Variants in PRICKLE1 observed in about 807,000 individuals in gnomAD.
PRICKLE1 encodes prickle-like protein 1.
Under a neutral mutation model 70.2 loss-of-function variants are expected in PRICKLE1, and 14 were observed. The ratio of observed to expected loss-of-function variants is 0.20; its 90% CI spans 0.13 to 0.31. The LOEUF is 0.31. PRICKLE1 is among the 10% of genes least tolerant of loss of function. The probability of loss-of-function intolerance (pLI) is 1.00; values close to 1 mark genes in which losing one functional copy is unlikely to be tolerated. For missense variants in PRICKLE1, 821 were observed against 1,026.2 expected, an observed-to-expected ratio of 0.80 and a Z score of 2.73; for synonymous variants, 357 against 379.9, an observed-to-expected ratio of 0.94 and a Z score of 0.70.
chr12:42,480,209 C>A (rs1371221655), intron 1 of PRICKLE1, among the ~76,000 whole-genome samples: 1 of 152,160 alleles, frequency 6.6e-6, no homozygotes, highest in African/African-American at 2.4e-5. Context: ...TATTAAGGTG[C>A]CTTTCTCTTT....
chr12:42,469,652 T>C, intron 3 of PRICKLE1, 65 bp from the exon 4 acceptor site: 1 of 1,605,524 alleles, frequency 6.2e-7, no homozygotes, highest in Non-Finnish European at 8.5e-7. Context: ...GTTCTCTACT[T>C]CCAGAGTTAG....
Position 42,564,329 on chromosome 12 carries a change from G to T in PRICKLE1, c.-49+25136C>A, listed in dbSNP as rs548290839. ...AACACTATTGAAATCTTTCTTGGCC[G>T]GGCGTGGTGGCTCACGCCTGTAATA... On this transcript the variant is annotated intron_variant, in intron 1 of 7. Transcript: ENST00000345127. 3.1e-4 allele frequency among the ~76,000 whole-genome samples: 47 copies of T among 151,592 alleles called. 1 individual carries two copies. Among genetic ancestry groups the T allele is most frequent in the African/African-American group, 1.1e-3 (47 of 41,354 alleles).
In PRICKLE1 at chr12:42,578,743, TTTTA is replaced by T. The variant is rs10699517; in HGVS notation, c.-49+10718_-49+10721del. 9.5e-4 allele frequency among the ~76,000 whole-genome samples: 139 copies of T among 146,270 alleles called. 1 individual carries two copies. The highest frequency in any genetic ancestry group is 4.0e-3 in the East Asian group (20 of 4,984). ...CTGGCTACTATTTGTGTTTATTTCA[TTTTA>T]TTTATTTATTTATTTATTTATTTAT... On this transcript the variant is annotated intron_variant, in intron 1 of 7. Transcript: ENST00000345127.
chr12:42,559,568 A>G (rs1225055936), intron 1 of PRICKLE1, among the ~76,000 whole-genome samples: 1 of 142,598 alleles, frequency 7.0e-6, no homozygotes, highest in Non-Finnish European at 1.5e-5. Context: ...ACACAAATGT[A>G]TATATATATG....
At position 42,482,578 on chromosome 12, in the gene PRICKLE1, A is replaced by G. The variant is rs553253566; in HGVS notation, c.-48-10014T>C. On this transcript the variant is annotated intron_variant, in intron 1 of 7. Transcript: ENST00000345127. ...CCCGTCACCTGTTGGCTCCTGAACA[A>G]CACTCCTCTTTGTGAAACTTACAGC... Among the ~76,000 whole-genome samples the G allele has an allele frequency of 3.3e-5, 5 of 152,374 alleles. No individual in the cohort carries two copies. The South Asian group carries it at 1.0e-3, about 32-fold the overall frequency.
rs919778070 is a variant in PRICKLE1 at position 42,474,261 on chromosome 12, G to A, written c.-48-1697C>T. 2.0e-5 allele frequency among the ~76,000 whole-genome samples: 3 copies of A among 152,120 alleles called. No individual in the cohort carries two copies. In the South Asian group the frequency reaches 6.2e-4, roughly 32 times the overall value. ...GACTCCAGCCTGGGCGACAGAGCGA[G>A]ACTCCGTCTCGAAAAAAATAAAATA... On this transcript the variant is annotated intron_variant, in intron 1 of 7. Coordinates refer to ENST00000345127, the MANE Select transcript of PRICKLE1 (RefSeq NM_153026.3).
chr12:42,482,634 A>G (rs1211477300), intron 1 of PRICKLE1, among the ~76,000 whole-genome samples: 1 of 152,210 alleles, frequency 6.6e-6, no homozygotes, highest in East Asian at 1.9e-4. Context: ...CAGAGAAAAC[A>G]CTTCAAGAAA....
chr12:42,527,986 T>C (rs1939844447), intron 1 of PRICKLE1, among the ~76,000 whole-genome samples: 1 of 139,786 alleles, frequency 7.2e-6, no homozygotes, highest in Non-Finnish European at 1.5e-5. Context: ...CAAAGTTTTA[T>C]ATACTATCTT....
At chr12:42,527,341 C>G (rs887985203) in intron 1 of PRICKLE1, among the ~76,000 whole-genome samples, 1 of 152,014 alleles carries the variant, frequency 6.6e-6, no homozygotes, top group Non-Finnish European at 1.5e-5. Flanking sequence ...CCATGTTGGC[C>G]AGGCTGGCCT....
At chr12:42,492,361 C>T (rs1321053574) in intron 1 of PRICKLE1, among the ~76,000 whole-genome samples, 2 of 152,194 alleles carry the variant, frequency 1.3e-5, no homozygotes, top group Non-Finnish European at 2.9e-5. Flanking sequence ...TATATTTAAA[C>T]TCTCCACCAA....
intron 1 of PRICKLE1, among the ~76,000 whole-genome samples, chr12:42,525,956 A>T (rs1939792384): frequency 6.6e-6 from 1 of 152,212 alleles, no homozygotes; most frequent in East Asian, 1.9e-4. Flanking sequence ...AGAGGAGATG[A>T]ATGCCTCTTT....
intron 4 of PRICKLE1, 100 bp from the exon 5 acceptor site, chr12:42,468,929 AT>A: frequency 8.0e-7 from 1 of 1,249,734 alleles, no homozygotes; most frequent in Non-Finnish European, 1.1e-6. Context: ...TCAGGAATGT[AT>A]TTATTTTTGC....
At position 42,466,236 on chromosome 12, in the gene PRICKLE1, A is replaced by T. The variant is rs997832538; in HGVS notation, c.733T>A (p.Ser245Thr). 2 of 1,614,036 alleles carry T rather than the reference A, an allele frequency of 1.2e-6. No individual in the cohort carries two copies. The highest frequency in any genetic ancestry group is 1.7e-6 in the Non-Finnish European group (2 of 1,180,040). Residue 245 changes from serine to threonine, a missense_variant, in exon 6 of 8, where the codon TCT (serine) becomes ACT (threonine). Ser to Thr is a moderately conservative substitution (Grantham distance 58, BLOSUM62 1). Transcript: ENST00000345127. ...GTTTCACAGTACTCCGCATAGAGAG[A>T]CTCAAAACAGCCACAGCAGAAGGGG... ...GRPFCCGCFESLYAEYCETCG... is the reference protein window; with the variant it reads ...GRPFCCGCFETLYAEYCETCG...
Position 42,536,712 on chromosome 12 carries a change from T to G in PRICKLE1, c.-49+52753A>C, listed in dbSNP as rs1415106387. Among the ~76,000 whole-genome samples the G allele has an allele frequency of 3.3e-5, 5 of 152,204 alleles. No homozygotes were observed. The East Asian group carries it at 9.6e-4, about 29-fold the overall frequency. ...AACTCTGCTCACCTGGGCAAGATGC[T>G]GCCACTTTCTTTGGGTCATCTGATG... On this transcript the variant is annotated intron_variant, in intron 1 of 7. Coordinates refer to ENST00000345127, the MANE Select transcript of PRICKLE1 (RefSeq NM_153026.3).
chr12:42,467,330 T>C (rs1043090392), intron 5 of PRICKLE1, among the ~76,000 whole-genome samples: 7 of 152,180 alleles, frequency 4.6e-5, no homozygotes, highest in African/African-American at 1.7e-4. Flanking sequence ...TTTGCCAGGA[T>C]GGTCTCTGTC....
chr12:42,577,041 T>C (rs1033467112), intron 1 of PRICKLE1, among the ~76,000 whole-genome samples: 1 of 152,204 alleles, frequency 6.6e-6, no homozygotes, highest in African/African-American at 2.4e-5. Context: ...AATGTTATGT[T>C]ATTTTTATTT....
In PRICKLE1 at chr12:42,460,088, G is replaced by T. The variant is rs1415769760; in HGVS notation, c.2217C>A (p.Ser739=). ...TTCCTGGGTTCTGCAGGCCATAATC[G>T]GAAGTGGCATGGGCGTACTGTCCGT... ...DLYGQYAHAT[S]DYGLQNPGMN... The change falls in exon 8 of 8, where the codon TCC becomes TCA. Residue 739 remains serine (S), a synonymous_variant. Transcript: ENST00000345127. The T allele has an allele frequency of 6.2e-7, 1 of 1,614,128 alleles. No individual in the cohort carries two copies.
chr12:42,462,646 G>T (rs375791988), intron 7 of PRICKLE1, among the ~76,000 whole-genome samples: 1 of 152,166 alleles, frequency 6.6e-6, no homozygotes, highest in Non-Finnish European at 1.5e-5. Context: ...CAGAAGCCGG[G>T]GGGGTAGCTT....
At chr12:42,572,497 C>T (rs1335593355) in intron 1 of PRICKLE1, among the ~76,000 whole-genome samples, 1 of 151,556 alleles carries the variant, frequency 6.6e-6, no homozygotes, top group Non-Finnish European at 1.5e-5. Flanking sequence ...TTTAAAATAA[C>T]GTGCTTATAG....
Sources: allele counts gnomAD v4.1 joint callset (sites outside exome capture counted in the v4.1 genomes callset), GRCh38; gene constraint gnomAD v4.1.1; transcripts MANE v1.5; gene names NCBI Gene and HGNC (gene_info 2026-07-23, HGNC 2026-07-21).